Variants in XRCC1 observed in about 807,000 individuals in gnomAD.
The protein encoded by XRCC1 is DNA repair protein XRCC1.
In XRCC1, 52 loss-of-function variants were observed where a neutral mutation model predicts 83.3. The ratio of observed to expected loss-of-function variants is 0.62; its 90% confidence interval spans 0.50 to 0.79. The LOEUF (loss-of-function observed/expected upper bound fraction) is 0.79. Ranked by LOEUF, XRCC1 falls within the 30% of genes least tolerant of loss-of-function variation. XRCC1 has a pLI of 0.00. For missense variants in XRCC1, 793 were observed against 823.5 expected, an observed-to-expected ratio of 0.96 and a Z score of 0.45; for synonymous variants, 281 against 312.6, an observed-to-expected ratio of 0.90 and a Z score of 1.07.
chr19:43,563,644 T>G (rs575340516), intron 2 of XRCC1, among the ~76,000 whole-genome samples: 1 of 152,268 alleles, frequency 6.6e-6, no homozygotes, highest in South Asian at 2.1e-4. Context: ...CCTCTGCACC[T>G]GCCAATCCCC....
Position 43,552,171 on chromosome 19 carries a change from G to A in XRCC1, c.928C>T (p.Arg310Ter), listed in dbSNP as rs375143036. ...RGEGTEPRRP[R>*]AGPEELGKIL... ...TTCCCCAGCTCCTCTGGGCCAGCTC[G>A]GGGTCGTCTGGGCTCGGTGCCTTCT... Residue 310 changes from arginine (R) to a stop codon, truncating the protein, a stop_gained, in exon 9 of 17, where the codon CGA becomes TGA. Transcript: ENST00000262887. LOFTEE classifies it high-confidence loss of function. 9.3e-6 allele frequency: 15 copies of A among 1,613,946 alleles called. No homozygotes were observed. The highest frequency in any genetic ancestry group is 4.5e-5 in the East Asian group (2 of 44,882).
In XRCC1 at chr19:43,560,930, C is replaced by T. The variant is rs148471252; in HGVS notation, c.235G>A (p.Ala79Thr). The T allele has an allele frequency of 1.5e-5, 24 of 1,613,988 alleles. No individual in the cohort carries two copies. The highest frequency in any genetic ancestry group is 8.3e-5 in the Admixed American group (5 of 60,008). ...EVLVGSSAGG[A>T]GEQDYEVLLV... ...CTTACCTCATAGTCTTGCTCCCCAG[C>T]GCCTCCAGCTGAACTGCCCACCAGC... is the stretch of plus-strand genomic sequence containing the variant. Residue 79 changes from alanine (A) to threonine (T), a missense_variant, in exon 3 of 17, where the codon GCT becomes ACT. Transcript: ENST00000262887.
intron 9 of XRCC1, 132 bp from the exon 10 acceptor site, chr19:43,551,819 C>T: frequency 1.0e-6 from 1 of 1,004,090 alleles, no homozygotes; most frequent in Non-Finnish European, 1.5e-6. Flanking sequence ...GTGGGAGAAA[C>T]AAAAAGAGGT....
intron 2 of XRCC1, among the ~76,000 whole-genome samples, chr19:43,573,744 G>A (rs1318464012): frequency 6.6e-6 from 1 of 151,774 alleles, no homozygotes; most frequent in African/African-American, 2.4e-5. Flanking sequence ...GCATGGTGGT[G>A]CACACCTGCA....
intron 2 of XRCC1, among the ~76,000 whole-genome samples, chr19:43,572,927 C>CTTTTTTTTTTTTT (rs1015971628): frequency 6.6e-5 from 6 of 91,150 alleles, no homozygotes; most frequent in Non-Finnish European, 1.1e-4. Context: ...GAGATCTTTT[C>CTTTTTTTTTTTTT]TTTTTTTTTT....
intron 12 of XRCC1, 28 bp from the exon 13 acceptor site, chr19:43,546,134 G>T: frequency 6.2e-7 from 1 of 1,613,284 alleles, no homozygotes; most frequent in South Asian, 1.1e-5. Context: ...GTCAATGCAA[G>T]GCTGCCTTGT....
In XRCC1 at chr19:43,543,492, T is replaced by A; in HGVS notation, c.1802A>T (p.Asn601Ile). ...GGGACGAACGAATGCCAGGGAGGGG[T>A]TGTCCATCAGGGCCTGCAGGGTGGG... ...DPSFEEALMD[N>I]PSLAFVRPRW... Residue 601 changes from asparagine to isoleucine, a missense_variant, in exon 17 of 17, where the codon AAC (asparagine) becomes ATC (isoleucine). By Grantham distance (149) the Asn-to-Ile change is moderately radical (BLOSUM62 -3). Coordinates refer to ENST00000262887, the MANE Select transcript of XRCC1 (RefSeq NM_006297.3). 6.2e-7 allele frequency: 1 copy of A among 1,613,108 alleles called. No individual in the cohort carries two copies. Among genetic ancestry groups the A allele is most frequent in the Non-Finnish European group, 8.5e-7 (1 of 1,179,716 alleles).
chr19:43,568,370 G>A (rs1218987643), intron 2 of XRCC1, among the ~76,000 whole-genome samples: 2 of 151,972 alleles, frequency 1.3e-5, no homozygotes, highest in Non-Finnish European at 2.9e-5. Flanking sequence ...GGTGGCATGT[G>A]CCCGTAATCC....
At chr19:43,544,271 C>T in intron 14 of XRCC1, 37 bp from the exon 15 acceptor site, 8 of 1,540,532 alleles carry the variant, frequency 5.2e-6, no homozygotes, top group Non-Finnish European at 5.3e-6. Context: ...AGCATGAGGC[C>T]CCAGGAGTTC....
At chr19:43,553,193 G>C (rs1052579014) in intron 6 of XRCC1, 102 bp from the exon 7 acceptor site, 2 of 1,308,108 alleles carry the variant, frequency 1.5e-6, no homozygotes, top group East Asian at 5.0e-5. Context: ...ACCCACCAGT[G>C]ATCCAGGAGT....
At chr19:43,546,553 T>A (rs1359191057) in intron 12 of XRCC1, 42 bp downstream of exon 12, 1 of 1,499,186 alleles carries the variant, frequency 6.7e-7, no homozygotes, top group Admixed American at 2.4e-5. Context: ...TCCCTCAGAC[T>A]CAGGAGCCCA....
At chr19:43,566,234 T>TA (rs768641209) in intron 2 of XRCC1, among the ~76,000 whole-genome samples, 291 of 132,342 alleles carry the variant, frequency 2.2e-3, no homozygotes, top group Admixed American at 2.7e-3. Context: ...AGACTCCATC[T>TA]AAAAAAAAAA....
rs1972617417 is a variant in XRCC1, at chr19:43,554,695, T to G, written c.365A>C (p.Glu122Ala). The change falls in exon 4 of 17, where the codon GAG becomes GCG. Residue 122 changes from glutamate (E) to alanine (A), a missense_variant. Transcript: ENST00000262887. ...AATTTTGACCCGGTCCCAGCGCTTC[T>G]CGGCGGCTGCCCGGACCAGCTTGTC... ...GPDKLVRAAA[E>A]KRWDRVKIVC... The G allele has an allele frequency of 6.2e-7, 1 of 1,613,966 alleles. No homozygotes were observed. The highest frequency in any genetic ancestry group is 8.5e-7 in the Non-Finnish European group (1 of 1,179,904).
chr19:43,557,953 T>G (rs1600053529), intron 3 of XRCC1, among the ~76,000 whole-genome samples: 1 of 152,112 alleles, frequency 6.6e-6, no homozygotes, highest in South Asian at 2.1e-4. Flanking sequence ...GTACAAAGTA[T>G]CTGATGTTTC....
intron 2 of XRCC1, among the ~76,000 whole-genome samples, chr19:43,563,504 CAACAACAAAAACAACAAT>C (rs777595290): frequency 4.6e-5 from 7 of 152,006 alleles, no homozygotes; most frequent in East Asian, 3.9e-4. Context: ...AAAACAACAA[CAACAACAAAAACAACAAT>C]AACAAGAAGT....
chr19:43,552,649 C>G, intron 8 of XRCC1, 148 bp downstream of exon 8: 1 of 760,024 alleles, frequency 1.3e-6, no homozygotes, highest in South Asian at 2.0e-5. Context: ...TTCAGGAATC[C>G]AGGCCCCCAG....
rs1463601599 is a variant in XRCC1 at position 43,543,417 on chromosome 19, A to G, written c.1877T>C (p.Leu626Pro). The G allele has an allele frequency of 6.2e-7, 1 of 1,610,974 alleles. No individual in the cohort carries two copies. The highest frequency in any genetic ancestry group is 8.5e-7 in the Non-Finnish European group (1 of 1,179,734). ...NEKQKLLPHQ[L>P]YGVVPQA ...TCAGGCTTGCGGCACCACCCCATAG[A>G]GCTGGTGAGGAAGTAACTTCTGCTT... is the stretch of plus-strand genomic sequence containing the variant. The change falls in exon 17 of 17, where the codon CTC (leucine) becomes CCC (proline). Residue 626 changes from leucine to proline, a missense_variant. Physicochemically the swap from Leu to Pro is moderately conservative, Grantham distance 98 (BLOSUM62 -3). Coordinates refer to ENST00000262887, the MANE Select transcript of XRCC1 (RefSeq NM_006297.3).
rs562926147 is a variant in XRCC1 at position 43,553,026 on chromosome 19, A to C, written c.667T>G (p.Ser223Ala). 221 of 1,601,048 alleles carry C rather than the reference A, an allele frequency of 1.4e-4. 3 individuals carry two copies. In the South Asian group the frequency reaches 2.3e-3, roughly 17 times the overall value. ...GCCCTGGAGACTGGAGAGGCTGAGGAGGCAGCACTAGAAGCCTGGAGGGTA... is the reference window on the plus strand; with the variant it reads ...GCCCTGGAGACTGGAGAGGCTGAGGCGGCAGCACTAGAAGCCTGGAGGGTA... Reference protein sequence around the residue: ...AATLQASSAASSASPVSRAIG... With the variant: ...AATLQASSAAASASPVSRAIG... Residue 223 changes from serine to alanine, a missense_variant, in exon 7 of 17, where the codon TCC (serine) becomes GCC (alanine). By Grantham distance (99) the Ser-to-Ala change is moderately conservative. Coordinates refer to ENST00000262887, the MANE Select transcript of XRCC1 (RefSeq NM_006297.3).
chr19:43,552,835 G>T lies in XRCC1; in HGVS notation c.785C>A (p.Pro262Gln). 6.2e-7 allele frequency: 1 copy of T among 1,613,284 alleles called. No homozygotes were observed. The highest frequency in any genetic ancestry group is 1.1e-5 in the South Asian group (1 of 90,982). ...QEEKKTPSKP[P>Q]AQLSPSVPKR... is the part of the protein sequence containing the mutation. Reference sequence around the variant, plus strand: ...GGGAACAGATGGCGACAGCTGGGCTGGTGGTTTGCTGGGGGTCTTCTTTTC... The same window carrying T: ...GGGAACAGATGGCGACAGCTGGGCTTGTGGTTTGCTGGGGGTCTTCTTTTC... Residue 262 changes from proline (P) to glutamine (Q), a missense_variant, in exon 8 of 17, where the codon CCA becomes CAA. Coordinates refer to ENST00000262887, the MANE Select transcript of XRCC1 (RefSeq NM_006297.3).
Sources: gnomAD v4.1 joint callset for allele counts (sites outside exome capture counted in the v4.1 genomes callset) on GRCh38, gnomAD v4.1.1 for gene constraint, MANE v1.5 for transcripts, NCBI Gene and HGNC (gene_info 2026-07-23, HGNC 2026-07-21) for gene names.